The following RAVER2 variants were observed in gnomAD, a reference collection of about 807,000 sequenced individuals.
The protein encoded by RAVER2 is ribonucleoprotein, PTB binding 2.
A neutral mutation model predicts 78.1 loss-of-function variants in RAVER2; 46 were observed. The ratio of observed to expected loss-of-function variants is 0.59; its 90% confidence interval spans 0.46 to 0.75. RAVER2 has a LOEUF of 0.75. RAVER2 is among the 30% of genes least tolerant of loss of function. The pLI, the probability that RAVER2 is intolerant of heterozygous loss-of-function variation, is 0.00. For missense variants in RAVER2, 793 were observed against 837.5 expected (o/e 0.95, Z 0.66); for synonymous variants, 311 against 313.3 (o/e 0.99, Z 0.08).
At chr1:64,817,849 T>C (rs569132457) in intron 11 of RAVER2, among the ~76,000 whole-genome samples, 1 of 152,196 alleles carries the variant, frequency 6.6e-6, no homozygotes, top group East Asian at 1.9e-4. Context: ...CATGTATACC[T>C]ATGTAACAAA....
chr1:64,783,418 G>A (rs994952533), intron 4 of RAVER2, among the ~76,000 whole-genome samples: 10 of 151,980 alleles, frequency 6.6e-5, no homozygotes, highest in East Asian at 1.9e-4. Flanking sequence ...TTTAATGATC[G>A]CCATTCTAAC....
intron 1 of RAVER2, among the ~76,000 whole-genome samples, chr1:64,765,463 AT>A (rs1319200092): frequency 6.6e-6 from 1 of 152,228 alleles, no homozygotes; most frequent in Non-Finnish European, 1.5e-5. Flanking sequence ...GAATGAGTGA[AT>A]TTTAGAAACA....
intron 11 of RAVER2, among the ~76,000 whole-genome samples, chr1:64,818,845 G>A (rs759471822): frequency 1.3e-5 from 2 of 152,138 alleles, no homozygotes; most frequent in African/African-American, 2.4e-5. Context: ...AAATCTATGT[G>A]TAAACTTAAC....
intron 9 of RAVER2, among the ~76,000 whole-genome samples, chr1:64,809,504 A>ATAAATAAATAAAT: frequency 6.6e-6 from 1 of 151,784 alleles, no homozygotes; most frequent in East Asian, 1.9e-4. Flanking sequence ...AAATAAATAA[A>ATAAATAAATAAAT]TAAATAAATA....
chr1:64,832,084 A>C (rs940877937), exon 12 of RAVER2: 1 of 152,646 alleles, frequency 6.6e-6, no homozygotes, highest in African/African-American at 2.4e-5. Flanking sequence ...GTAAGTGGAA[A>C]GGAACATGGG....
intron 2 of RAVER2, among the ~76,000 whole-genome samples, chr1:64,769,261 A>G (rs534261729): frequency 6.6e-6 from 1 of 152,160 alleles, no homozygotes; most frequent in African/African-American, 2.4e-5. Flanking sequence ...TTGTCTTTAC[A>G]AAGTATGTAC....
chr1:64,783,958 G>A (rs1227953266), intron 4 of RAVER2, among the ~76,000 whole-genome samples: 1 of 152,170 alleles, frequency 6.6e-6, no homozygotes, highest in Non-Finnish European at 1.5e-5. Context: ...TCCCTCTCAA[G>A]TCTAATGCAA....
chr1:64,748,392 A>G (rs1651601338), intron 1 of RAVER2, among the ~76,000 whole-genome samples: 1 of 152,152 alleles, frequency 6.6e-6, no homozygotes, highest in Non-Finnish European at 1.5e-5. Context: ...TCTGCATGCT[A>G]CTTCCCTTGA....
intron 5 of RAVER2, among the ~76,000 whole-genome samples, chr1:64,790,819 C>A (rs371457992): frequency 5.3e-5 from 8 of 152,084 alleles, no homozygotes; most frequent in African/African-American, 1.9e-4. Flanking sequence ...ATGTTTCAGT[C>A]CCAACTGGTC....
chr1:64,755,628 T>C (rs1266195367), intron 1 of RAVER2, among the ~76,000 whole-genome samples: 1 of 152,076 alleles, frequency 6.6e-6, no homozygotes, highest in Non-Finnish European at 1.5e-5. Context: ...GGCTTGCCTT[T>C]ATTTCCTGGA....
At chr1:64,776,040 A>G (rs952849659) in intron 2 of RAVER2, among the ~76,000 whole-genome samples, 1 of 148,704 alleles carries the variant, frequency 6.7e-6, no homozygotes, top group Non-Finnish European at 1.5e-5. Context: ...AAAAAAAAGG[A>G]AAGAAAGTTA....
exon 12 of RAVER2, chr1:64,831,267 G>T: frequency 4.1e-6 from 1 of 242,176 alleles, no homozygotes; most frequent in Non-Finnish European, 7.8e-6. Flanking sequence ...CTTGATTTAG[G>T]ACTGGGAATA....
chr1:64,812,550 C>G (rs1330331270), intron 9 of RAVER2, among the ~76,000 whole-genome samples, 188 bp from the exon 10 acceptor site: 1 of 152,022 alleles, frequency 6.6e-6, no homozygotes, highest in Non-Finnish European at 1.5e-5. Context: ...AGTTCTATGG[C>G]TCTACAATAG....
intron 8 of RAVER2, 148 bp downstream of exon 8, chr1:64,805,253 C>T (rs1008617698): frequency 1.3e-5 from 9 of 682,534 alleles, no homozygotes; most frequent in East Asian, 8.3e-5. Flanking sequence ...CTTGGCTTTT[C>T]GATTTTCAAT....
chr1:64,820,038 ATATTTGATAGC>A (rs1319683384), intron 11 of RAVER2, among the ~76,000 whole-genome samples: 17 of 152,248 alleles, frequency 1.1e-4, no homozygotes, highest in African/African-American at 4.1e-4. Flanking sequence ...TAGATATAGT[ATATTTGATAGC>A]AATAGTGTAA....
intron 1 of RAVER2, among the ~76,000 whole-genome samples, chr1:64,768,413 G>A (rs972765722): frequency 1.3e-5 from 2 of 152,032 alleles, no homozygotes; most frequent in African/African-American, 4.8e-5. Flanking sequence ...AGAGAACAGT[G>A]CATGGTATAC....
chr1:64,757,688 T>A (rs949940984), intron 1 of RAVER2, among the ~76,000 whole-genome samples: 8 of 152,224 alleles, frequency 5.3e-5, no homozygotes, highest in African/African-American at 1.9e-4. Flanking sequence ...AACCAAGATC[T>A]GGAAACTAGC....
chr1:64,745,556 G>GT lies in RAVER2; in HGVS notation c.249+138dup. The GT allele has an allele frequency of 2.6e-6, 3 of 1,167,146 alleles. No individual in the cohort carries two copies. In the South Asian group the frequency reaches 5.6e-5, roughly 22 times the overall value. 72.3% of individuals were successfully genotyped at this position (1,167,146 alleles called of 1,614,324 possible). A position where few individuals can be genotyped will look rare whatever the true frequency, so the allele number is the denominator to read the frequency against. ...GCCGAGTGGTGAGAGCGGCCCCTCGGTTTGACTGAGTTCTTGGGGTTTCTA... is the reference window on the plus strand; with the variant it reads ...GCCGAGTGGTGAGAGCGGCCCCTCGGTTTTGACTGAGTTCTTGGGGTTTCTA... On this transcript the variant is annotated intron_variant, in intron 1 of 11. Coordinates refer to ENST00000294428, the Ensembl canonical transcript of RAVER2. This position sits in a 1 kb window ranked among gnomAD's most constrained non-coding sequence, Gnocchi z 4.3.
intron 9 of RAVER2, among the ~76,000 whole-genome samples, chr1:64,811,973 T>C (rs1345341789): frequency 6.6e-6 from 1 of 152,222 alleles, no homozygotes; most frequent in Non-Finnish European, 1.5e-5. Flanking sequence ...TTTATTTTGT[T>C]TGACATTATT....
Sources: gnomAD v4.1 joint callset for allele counts (sites outside exome capture counted in the v4.1 genomes callset) on GRCh38, gnomAD v4.1.1 for gene constraint, Gnocchi (gnomAD v3.1) non-coding constraint, MANE v1.5 for transcripts, NCBI Gene and HGNC (gene_info 2026-07-23, HGNC 2026-07-21) for gene names.